POGZ: variants seen among roughly 807,000 people sequenced by gnomAD.
The protein encoded by POGZ is pogo transposable element derived with ZNF domain.
POGZ carries 17 observed loss-of-function variants against 134.6 expected under a neutral mutation model. The observed-to-expected ratio is 0.13, with a 90% CI of 0.09 to 0.19. POGZ has a LOEUF of 0.19. Ranked by LOEUF, POGZ falls within the 10% of genes least tolerant of loss-of-function variation. The pLI is 1.00. For missense variants in POGZ, 1,306 were observed against 1,769.7 expected, an observed-to-expected ratio of 0.74 and a Z score of 4.70; for synonymous variants, 693 against 657.1, an observed-to-expected ratio of 1.05 and a Z score of -0.84.
chr1:151,432,757 C>T (rs1054647798), intron 3 of POGZ, among the ~76,000 whole-genome samples: 1 of 152,000 alleles, frequency 6.6e-6, no homozygotes, highest in African/African-American at 2.4e-5. Flanking sequence ...CAAAATATAC[C>T]TTCTACATAA....
At chr1:151,447,154 G>A in intron 1 of POGZ, among the ~76,000 whole-genome samples, 1 of 152,156 alleles carries the variant, frequency 6.6e-6, no homozygotes, top group Admixed American at 6.5e-5. Context: ...GGGAGGCTAA[G>A]GCGGGCGGAT....
chr1:151,446,621 T>C (rs1661310935), intron 1 of POGZ, among the ~76,000 whole-genome samples: 1 of 151,828 alleles, frequency 6.6e-6, no homozygotes, highest in African/African-American at 2.4e-5. Context: ...CCAGGTGTGG[T>C]GGCACACGCC....
chr1:151,417,344 G>A (rs562557748), intron 10 of POGZ, among the ~76,000 whole-genome samples: 37 of 150,828 alleles, frequency 2.5e-4, no homozygotes, highest in South Asian at 4.2e-4. Context: ...TTACATGCAT[G>A]AGGCTCCGCG....
intron 10 of POGZ, among the ~76,000 whole-genome samples, chr1:151,416,631 T>G (rs919012736): frequency 1.3e-5 from 2 of 151,034 alleles, no homozygotes; most frequent in Non-Finnish European, 3.0e-5. Context: ...TTGGGTTTTT[T>G]TTTTTTTTTT....
chr1:151,441,280 C>T (rs1285519898), intron 2 of POGZ, among the ~76,000 whole-genome samples, 194 bp from the exon 3 acceptor site: 6 of 152,218 alleles, frequency 3.9e-5, no homozygotes, highest in Admixed American at 3.9e-4. Flanking sequence ...ATCCCTTCTT[C>T]GTCTCACATC....
At position 151,428,152 on chromosome 1, in the gene POGZ, T is replaced by A; in HGVS notation, c.830A>T (p.Gln277Leu). 6.2e-7 allele frequency: 1 copy of A among 1,614,200 alleles called. No homozygotes were observed. The highest frequency in any genetic ancestry group is 2.2e-5 in the East Asian group (1 of 44,890). Reference protein sequence around the residue: ...LGQLAVQSPGQSNQTTNPKLA... With the variant: ...LGQLAVQSPGLSNQTTNPKLA... ...CTTGGGATTCGTGGTCTGGTTTGAC[T>A]GGCCTGGAGACTGAACAGCTAGTTG... The change falls in exon 6 of 19, where the codon CAG (glutamine) becomes CTG (leucine). Residue 277 changes from glutamine (Q) to leucine (L), a missense_variant. Gln to Leu is a moderately radical substitution (Grantham distance 113). Coordinates refer to ENST00000271715, the MANE Select transcript of POGZ (RefSeq NM_015100.4).
chr1:151,430,461 G>A (rs1368500574), intron 4 of POGZ, among the ~76,000 whole-genome samples: 2 of 152,148 alleles, frequency 1.3e-5, no homozygotes, highest in Non-Finnish European at 2.9e-5. Context: ...AAACTTCTAA[G>A]GGGTTTAAAG....
intron 1 of POGZ, among the ~76,000 whole-genome samples, chr1:151,455,528 G>C (rs1571605170): frequency 6.6e-6 from 1 of 152,156 alleles, no homozygotes; most frequent in Non-Finnish European, 1.5e-5. Flanking sequence ...AGACGCCAAA[G>C]ATCTTTTGTT....
intron 10 of POGZ, among the ~76,000 whole-genome samples, chr1:151,421,544 A>T (rs1470599172): frequency 6.6e-6 from 1 of 152,232 alleles, no homozygotes; most frequent in Non-Finnish European, 1.5e-5. Context: ...CTCACTCATA[A>T]GAAAACAGAT....
intron 12 of POGZ, among the ~76,000 whole-genome samples, chr1:151,409,081 CTTGTT>C (rs1288272298): frequency 6.6e-6 from 1 of 152,172 alleles, no homozygotes; most frequent in Non-Finnish European, 1.5e-5. Context: ...CCTTTCCTGA[CTTGTT>C]TTAACAATTT....
chr1:151,447,534 C>A lies in POGZ; in HGVS notation c.-1-5329G>T, dbSNP rs772727570. 2.1e-3 allele frequency among the ~76,000 whole-genome samples: 314 copies of A among 151,864 alleles called. 1 individual carries two copies. The highest frequency in any genetic ancestry group is 2.6e-3 in the Non-Finnish European group (180 of 67,978). ...TGGCACAATCTCAGCTCACTGCAAC[C>A]TCCACCTCCCAGGCTCAAGAAATCC... On this transcript the variant is annotated intron_variant, in intron 1 of 18. Coordinates refer to ENST00000271715, the MANE Select transcript of POGZ (RefSeq NM_015100.4).
chr1:151,431,687 A>G (rs1315989426), intron 3 of POGZ, among the ~76,000 whole-genome samples: 1 of 152,254 alleles, frequency 6.6e-6, no homozygotes, highest in Non-Finnish European at 1.5e-5. Flanking sequence ...TCATTCATGA[A>G]TAAATATTAA....
intron 3 of POGZ, among the ~76,000 whole-genome samples, chr1:151,435,746 C>T (rs976156354): frequency 1.3e-5 from 2 of 151,806 alleles, no homozygotes; most frequent in Non-Finnish European, 2.9e-5. Context: ...CTGCTCACCT[C>T]GGCCTCCCAA....
At chr1:151,447,814 T>C (rs1571568826) in intron 1 of POGZ, among the ~76,000 whole-genome samples, 1 of 152,016 alleles carries the variant, frequency 6.6e-6, no homozygotes, top group Non-Finnish European at 1.5e-5. Context: ...ATCCATGCAG[T>C]TATCTTTACA....
intron 16 of POGZ, 102 bp from the exon 17 acceptor site, chr1:151,407,125 C>T (rs1653789324): frequency 8.2e-7 from 1 of 1,216,238 alleles, no homozygotes; most frequent in Non-Finnish European, 1.2e-6. Flanking sequence ...CTCCCACTTT[C>T]TCCTTTTTCT....
In POGZ at chr1:151,403,957, G is replaced by A. The variant is rs183280013; in HGVS notation, c.*845C>T. On this transcript the variant is annotated 3_prime_UTR_variant, in exon 19 of 19. Transcript: ENST00000271715. ...TATCTCTTGCTTGCTAATAACACCT[G>A]TATGATCCTTTGTCCAGAGGGATGG... 1.0e-6 allele frequency: 1 copy of A among 985,402 alleles called. No individual in the cohort carries two copies. Among genetic ancestry groups the A allele is most frequent in the East Asian group, 1.1e-4 (1 of 8,822 alleles). 61.0% of individuals were successfully genotyped at this position (985,402 alleles called of 1,614,324 possible).
intron 1 of POGZ, among the ~76,000 whole-genome samples, chr1:151,447,503 G>A (rs1362448652): frequency 6.6e-6 from 1 of 151,624 alleles, no homozygotes; most frequent in Non-Finnish European, 1.5e-5. Context: ...CCAGGCTGGA[G>A]TACAGTGGCA....
At position 151,430,707 on chromosome 1, in the gene POGZ, T is replaced by C; in HGVS notation, c.418A>G (p.Ser140Gly). Residue 140 changes from serine (S) to glycine (G), a missense_variant, in exon 4 of 19, where the codon AGT becomes GGT. Physicochemically the swap from Ser to Gly is moderately conservative, Grantham distance 56. Transcript: ENST00000271715. ...QVMQNANHVTSSPVASQPIFI... is the reference protein window; with the variant it reads ...QVMQNANHVTGSPVASQPIFI... ...ATTGGTTGTGAGGCCACAGGGGAAC[T>C]AGTCACATGATTGGCATTCTGCATG... is the stretch of plus-strand genomic sequence containing the variant. The C allele has an allele frequency of 1.2e-6, 2 of 1,610,344 alleles. No individual in the cohort carries two copies. The highest frequency in any genetic ancestry group is 1.7e-6 in the Non-Finnish European group (2 of 1,178,386).
rs1406283723 is a variant in POGZ at position 151,404,193 on chromosome 1, AG to A, written c.*608del. On this transcript the variant is annotated 3_prime_UTR_variant, in exon 19 of 19. Transcript: ENST00000271715. ...GGAGAGGGAAGGAAAGAAAAGGAGA[AG>A]GAAGAGAGAGTTCAGTGGGACTTTT... 3.0e-6 allele frequency: 3 copies of A among 985,580 alleles called. No homozygotes were observed. Among genetic ancestry groups the A allele is most frequent in the Non-Finnish European group, 3.6e-6 (3 of 829,820 alleles). 61.1% of individuals were successfully genotyped at this position (985,580 alleles called of 1,614,324 possible).
Sources: allele counts gnomAD v4.1 joint callset (sites outside exome capture counted in the v4.1 genomes callset), GRCh38; gene constraint gnomAD v4.1.1; transcripts MANE v1.5; gene names NCBI Gene and HGNC (gene_info 2026-07-23, HGNC 2026-07-21).